Variants in CFAP20DC observed in about 807,000 individuals in gnomAD.
CFAP20DC encodes protein CFAP20DC.
In CFAP20DC, 84 loss-of-function variants were observed where a neutral mutation model predicts 101.7. The observed-to-expected ratio is 0.83, with a 90% CI of 0.69 to 0.99. The LOEUF (loss-of-function observed/expected upper bound fraction) is 0.99, where lower values mean the gene tolerates loss of function less well. Ranked by LOEUF, CFAP20DC falls within the 50% of genes least tolerant of loss-of-function variation. The pLI is 0.00. For missense variants in CFAP20DC, 1,007 were observed against 970.3 expected (o/e 1.04, Z -0.50); for synonymous variants, 359 against 351.2 (o/e 1.02, Z -0.25).
intron 15 of CFAP20DC, among the ~76,000 whole-genome samples, chr3:58,792,694 GTA>G (rs1197437791): frequency 1.3e-5 from 2 of 150,916 alleles, no homozygotes; most frequent in Non-Finnish European, 2.9e-5. Context: ...CTTTTATCTA[GTA>G]TCTGTGACAA....
At chr3:59,008,530 T>TA (rs1022431919) in intron 4 of CFAP20DC, among the ~76,000 whole-genome samples, 22 of 152,184 alleles carry the variant, frequency 1.4e-4, no homozygotes, top group African/African-American at 2.4e-4. Context: ...TATGCAGCCA[T>TA]AAAAAATGAA....
At position 58,842,471 on chromosome 3, in the gene CFAP20DC, G is replaced by C. The variant is rs572013468; in HGVS notation, c.1971+6561C>G. On this transcript the variant is annotated intron_variant, in intron 13 of 16. Coordinates refer to ENST00000482387, the MANE Select transcript of CFAP20DC (RefSeq NM_001394063.1). The stretch of plus-strand genomic sequence containing the variant: ...GCTTTTCAGACCGGCTTAAAAAACG[G>C]CGCACCACGAGACTATATCCCACAC... 2.1e-3 allele frequency among the ~76,000 whole-genome samples: 327 copies of C among 152,196 alleles called. 4 individuals carry two copies. The highest frequency in any genetic ancestry group is 7.6e-3 in the African/African-American group (315 of 41,546).
chr3:58,763,248 T>C (rs2069849299), intron 15 of CFAP20DC, among the ~76,000 whole-genome samples: 1 of 152,212 alleles, frequency 6.6e-6, no homozygotes, highest in Non-Finnish European at 1.5e-5. Flanking sequence ...TTTTTATTCT[T>C]TTTTCTCTAA....
intron 4 of CFAP20DC, among the ~76,000 whole-genome samples, chr3:58,997,524 T>C (rs1280089784): frequency 6.6e-6 from 1 of 152,178 alleles, no homozygotes; most frequent in East Asian, 1.9e-4. Flanking sequence ...CTGCATATTC[T>C]CTCTAGAAGC....
intron 15 of CFAP20DC, among the ~76,000 whole-genome samples, chr3:58,805,239 A>G (rs2073972145): frequency 6.6e-6 from 1 of 152,200 alleles, no homozygotes; most frequent in African/African-American, 2.4e-5. Context: ...TCAAATGGCC[A>G]TATGTGGACT....
At chr3:58,915,493 G>C (rs2084593082) in intron 5 of CFAP20DC, among the ~76,000 whole-genome samples, 1 of 152,018 alleles carries the variant, frequency 6.6e-6, no homozygotes, top group South Asian at 2.1e-4. Context: ...TGGTTCATCA[G>C]TCAGCAATTC....
At chr3:59,022,591 G>T (rs2093822981) in intron 4 of CFAP20DC, among the ~76,000 whole-genome samples, 1 of 151,924 alleles carries the variant, frequency 6.6e-6, no homozygotes, top group Non-Finnish European at 1.5e-5. Flanking sequence ...AAAGAGAATG[G>T]TAATGTCTAT....
chr3:58,957,967 T>G (rs1426380146), intron 4 of CFAP20DC, among the ~76,000 whole-genome samples: 1 of 152,168 alleles, frequency 6.6e-6, no homozygotes, highest in Non-Finnish European at 1.5e-5. Flanking sequence ...CAATAATAAT[T>G]TAATTGTACA....
In CFAP20DC at chr3:58,743,446, G is replaced by C. The variant is rs9853602; in HGVS notation, c.2333-874C>G. On this transcript the variant is annotated intron_variant, in intron 16 of 16. Coordinates refer to ENST00000482387, the MANE Select transcript of CFAP20DC (RefSeq NM_001394063.1). ...ACCTTCCCAGCCAGAGAAGATCAGAGAGTAGGCTCAGGTAGAAAGAGGTAA... is the reference window on the plus strand; with the variant it reads ...ACCTTCCCAGCCAGAGAAGATCAGACAGTAGGCTCAGGTAGAAAGAGGTAA... Among the ~76,000 whole-genome samples, 1,505 of 152,266 alleles carry C rather than the reference G, an allele frequency of 9.9e-3. 24 individuals are homozygous for C. The highest frequency in any genetic ancestry group is 0.035 in the African/African-American group (1,456 of 41,520).
rs553371170 is a variant in CFAP20DC, at chr3:58,794,529, G to C, written c.2237+11866C>G. The stretch of plus-strand genomic sequence containing the variant: ...AGCATAATATGAAGCTGTGAATGCT[G>C]GTAAACAATGCATTGCTAGAGTGAA... On this transcript the variant is annotated intron_variant, in intron 15 of 16. Transcript: ENST00000482387. Among the ~76,000 whole-genome samples, 99 of 152,238 alleles carry C rather than the reference G, an allele frequency of 6.5e-4. 1 individual carries two copies. Among genetic ancestry groups the C allele is most frequent in the Middle Eastern group, 3.4e-3 (1 of 294 alleles).
At chr3:58,843,340 C>T (rs2077322392) in intron 13 of CFAP20DC, among the ~76,000 whole-genome samples, 1 of 151,966 alleles carries the variant, frequency 6.6e-6, no homozygotes, top group Admixed American at 6.6e-5. Flanking sequence ...AGCTGAAAAC[C>T]AAGGCTCGAG....
intron 6 of CFAP20DC, among the ~76,000 whole-genome samples, chr3:58,885,537 T>G (rs1372415001): frequency 6.6e-6 from 1 of 151,868 alleles, no homozygotes; most frequent in African/African-American, 2.4e-5. Flanking sequence ...TTGTTAACTA[T>G]AGTCCTCTTA....
intron 13 of CFAP20DC, among the ~76,000 whole-genome samples, chr3:58,837,218 A>T (rs1365776160): frequency 2.6e-5 from 4 of 152,192 alleles, no homozygotes; most frequent in African/African-American, 9.7e-5. Context: ...AGTTTTATTA[A>T]AAGTCTAAGA....
intron 12 of CFAP20DC, among the ~76,000 whole-genome samples, chr3:58,855,549 G>A (rs1278386160): frequency 1.3e-5 from 2 of 151,912 alleles, no homozygotes; most frequent in Non-Finnish European, 2.9e-5. Flanking sequence ...TGTTTATTGC[G>A]GCATTATTCA....
chr3:59,044,987 GACACAC>G (rs57196071), intron 3 of CFAP20DC, among the ~76,000 whole-genome samples: 25 of 139,930 alleles, frequency 1.8e-4, no homozygotes, highest in East Asian at 1.6e-3. Flanking sequence ...TCCTATTACA[GACACAC>G]ACACACACAC....
intron 5 of CFAP20DC, among the ~76,000 whole-genome samples, chr3:58,921,310 C>A (rs569459142): frequency 1.3e-5 from 2 of 151,508 alleles, no homozygotes; most frequent in South Asian, 4.2e-4. Flanking sequence ...GTTTTTCTAC[C>A]TTTCTTAGAT....
intron 7 of CFAP20DC, among the ~76,000 whole-genome samples, chr3:58,883,170 T>C (rs2108641460): frequency 6.6e-6 from 1 of 152,334 alleles, no homozygotes; most frequent in South Asian, 2.1e-4. Context: ...CCCCATCTAT[T>C]ACCTGAGAAT....
At position 58,717,840 on chromosome 3, in the gene CFAP20DC, A is replaced by G. The variant is rs1341544194; in HGVS notation, c.198-212T>C. Among the ~76,000 whole-genome samples the G allele has an allele frequency of 6.6e-6, 1 of 152,136 alleles. No individual in the cohort carries two copies. Among genetic ancestry groups the G allele is most frequent in the Non-Finnish European group, 1.5e-5 (1 of 68,020 alleles). On this transcript the variant is annotated intron_variant, in intron 3 of 3. Transcript: ENST00000486145. This position sits in a 1 kb window ranked among gnomAD's most constrained non-coding sequence, Gnocchi z 4.1. ...TGGGGAGGGCGTATTCTAACTGGGT[A>G]TACTGCAGCCCAAACCAGAGTTGCA... is the stretch of plus-strand genomic sequence containing the variant.
rs528898778 is a variant in CFAP20DC at position 58,751,970 on chromosome 3, G to A, written c.2332+1799C>T. Among the ~76,000 whole-genome samples the A allele has an allele frequency of 5.9e-5, 9 of 152,246 alleles. No homozygotes were observed. The South Asian group carries it at 1.2e-3, about 21-fold the overall frequency. The stretch of plus-strand genomic sequence containing the variant: ...GTGTCGTGCAACAAGAACCCAGGAA[G>A]GGTTCCAGACTGCTCACAACCATAC... On this transcript the variant is annotated intron_variant, in intron 16 of 16. Coordinates refer to ENST00000482387, the MANE Select transcript of CFAP20DC (RefSeq NM_001394063.1).
Sources: gnomAD v4.1 joint callset for allele counts (sites outside exome capture counted in the v4.1 genomes callset) on GRCh38, gnomAD v4.1.1 for gene constraint, Gnocchi (gnomAD v3.1) non-coding constraint, MANE v1.5 for transcripts, NCBI Gene and HGNC (gene_info 2026-07-23, HGNC 2026-07-21) for gene names.